KCNQ1OT1: variants seen among roughly 807,000 people sequenced by gnomAD.
KCNQ1OT1 encodes the protein KCNQ1 opposite strand/antisense transcript 1.
chr11:2,633,521 A>T (rs1281246930), exon 1 of KCNQ1OT1: 2 of 398,414 alleles, frequency 5.0e-6, no homozygotes, highest in African/African-American at 4.1e-5. Flanking sequence ...TTAAGTCTCT[A>T]ATCAATTTTG....
In KCNQ1OT1 at chr11:2,683,447, G is replaced by T; in HGVS notation, n.16548C>A. 1 of 398,554 alleles carries T rather than the reference G, an allele frequency of 2.5e-6. No homozygotes were observed. Among genetic ancestry groups the T allele is most frequent in the South Asian group, 1.3e-4 (1 of 7,848 alleles). 24.7% of individuals were successfully genotyped at this position (398,554 alleles called of 1,614,324 possible). On this transcript the variant is annotated non_coding_transcript_exon_variant, in exon 1 of 1. Coordinates refer to ENST00000597346, the Ensembl canonical transcript of KCNQ1OT1. This position sits in a 1 kb window ranked among gnomAD's most constrained non-coding sequence, Gnocchi z 4.7. ...GGAATGGGTAACTGGAAAAATGTAG[G>T]AATTACATATGATTCCATCAATGAC...
chr11:2,667,485 A>C, exon 1 of KCNQ1OT1: 1 of 398,420 alleles, frequency 2.5e-6, no homozygotes, highest in African/African-American at 2.1e-5. Flanking sequence ...TGTGACAGAG[A>C]GAACATTCAC....
At chr11:2,619,355 A>G in exon 1 of KCNQ1OT1, 1 of 398,492 alleles carries the variant, frequency 2.5e-6, no homozygotes. Context: ...TTCCTTCTAT[A>G]CCTGAACTGT....
At chr11:2,640,293 C>A (rs550380027) in exon 1 of KCNQ1OT1, 9 of 397,982 alleles carry the variant, frequency 2.3e-5, no homozygotes, top group East Asian at 2.1e-4. Context: ...CCATCTTCTG[C>A]GTCACTCACG....
exon 1 of KCNQ1OT1, chr11:2,614,423 T>A (rs1219530604): frequency 5.0e-6 from 2 of 398,454 alleles, no homozygotes; most frequent in Non-Finnish European, 4.4e-6. Flanking sequence ...TTTACAATAT[T>A]GTGTTTTTTG....
chr11:2,645,912 C>A lies in KCNQ1OT1; in HGVS notation n.54083G>T. 2.5e-6 allele frequency: 1 copy of A among 398,574 alleles called. No homozygotes were observed. Among genetic ancestry groups the A allele is most frequent in the Non-Finnish European group, 4.4e-6 (1 of 226,082 alleles). The allele number at this position is 398,574 out of a possible 1,614,324, so 24.7% of individuals were successfully genotyped here. On this transcript the variant is annotated non_coding_transcript_exon_variant, in exon 1 of 1. Transcript: ENST00000597346. This position sits in a 1 kb window ranked among gnomAD's most constrained non-coding sequence, Gnocchi z 5.8. ...CTGGGAGCTGTTCATTGCCATTTCA[C>A]AGTCTGTAGGTAGCCTCTTGTTAGT...
Position 2,651,507 on chromosome 11 carries a change from G to A in KCNQ1OT1, n.48488C>T, listed in dbSNP as rs547186909. ...TGCATTAAGAAGCTGTCAGTGTGAA[G>A]AACGTGAATGCTAAGGGCATATGAG... On this transcript the variant is annotated non_coding_transcript_exon_variant, in exon 1 of 1. Transcript: ENST00000597346. This position sits in a 1 kb window ranked among gnomAD's most constrained non-coding sequence, Gnocchi z 6.1. 1.8e-5 allele frequency: 7 copies of A among 398,682 alleles called. No individual in the cohort carries two copies. In the South Asian group the frequency reaches 3.8e-4, roughly 22 times the overall value. The allele number at this position is 398,682 out of a possible 1,614,324, so 24.7% of individuals were successfully genotyped here. A position where few individuals can be genotyped will look rare whatever the true frequency, so the allele number is the denominator to read the frequency against.
Position 2,661,687 on chromosome 11 carries a change from C to G in KCNQ1OT1, n.38308G>C. On this transcript the variant is annotated non_coding_transcript_exon_variant, in exon 1 of 1. Coordinates refer to ENST00000597346, the Ensembl canonical transcript of KCNQ1OT1. The surrounding 1 kb of genome is among the most constrained non-coding windows in gnomAD (Gnocchi z 5.9). ...GCCCAGAACCTGAGGTGGGGAGAGTCTTGGACACCTGAGCACAGCCCCAGG... is the reference window on the plus strand; with the variant it reads ...GCCCAGAACCTGAGGTGGGGAGAGTGTTGGACACCTGAGCACAGCCCCAGG... 1 of 602,060 alleles carries G rather than the reference C, an allele frequency of 1.7e-6. No individual in the cohort carries two copies. Among genetic ancestry groups the G allele is most frequent in the East Asian group, 2.7e-5 (1 of 36,416 alleles). 37.3% of individuals were successfully genotyped at this position (602,060 alleles called of 1,614,324 possible).
chr11:2,623,942 A>C lies in KCNQ1OT1; in HGVS notation n.76053T>G. ...AATTCCATTTTTAATTCTTTGAAGA[A>C]CCACCAAACTCTTCTCCACCAGGGC... On this transcript the variant is annotated non_coding_transcript_exon_variant, in exon 1 of 1. Transcript: ENST00000597346. This position sits in a 1 kb window ranked among gnomAD's most constrained non-coding sequence, Gnocchi z 5.2. 1 of 398,658 alleles carries C rather than the reference A, an allele frequency of 2.5e-6. No homozygotes were observed. Among genetic ancestry groups the C allele is most frequent in the East Asian group, 3.6e-5 (1 of 28,072 alleles). The allele number at this position is 398,658 out of a possible 1,614,324, so 24.7% of individuals were successfully genotyped here.
chr11:2,632,892 A>G (rs558470427), exon 1 of KCNQ1OT1: 1 of 398,490 alleles, frequency 2.5e-6, no homozygotes, highest in Non-Finnish European at 4.4e-6. Flanking sequence ...GAATGCAAAT[A>G]TCTTTTTTAT....
Position 2,651,304 on chromosome 11 carries a change from G to A in KCNQ1OT1, n.48691C>T. On this transcript the variant is annotated non_coding_transcript_exon_variant, in exon 1 of 1. Coordinates refer to ENST00000597346, the Ensembl canonical transcript of KCNQ1OT1. This position sits in a 1 kb window ranked among gnomAD's most constrained non-coding sequence, Gnocchi z 6.1. Reference sequence around the variant, plus strand: ...GAGCTTCATGGTGGGCAGCTGGGAAGCTGCACAGAACACTCCTCAGAGTTC... The same window carrying A: ...GAGCTTCATGGTGGGCAGCTGGGAAACTGCACAGAACACTCCTCAGAGTTC... 1 of 398,702 alleles carries A rather than the reference G, an allele frequency of 2.5e-6. No individual in the cohort carries two copies. Among genetic ancestry groups the A allele is most frequent in the East Asian group, 3.6e-5 (1 of 28,078 alleles). 24.7% of individuals were successfully genotyped at this position (398,702 alleles called of 1,614,324 possible).
exon 1 of KCNQ1OT1, chr11:2,618,388 C>G (rs1442818491): frequency 2.0e-5 from 8 of 398,400 alleles, no homozygotes; most frequent in Non-Finnish European, 3.1e-5. Context: ...CCTGGGCTTA[C>G]ATGTGGTCTG....
exon 1 of KCNQ1OT1, chr11:2,629,550 G>A: frequency 2.5e-6 from 1 of 398,388 alleles, no homozygotes; most frequent in Non-Finnish European, 4.4e-6. Flanking sequence ...CTCACGTGAG[G>A]ATATCCAGTT....
At chr11:2,622,659 A>T (rs1407449566) in exon 1 of KCNQ1OT1, 2 of 398,370 alleles carry the variant, frequency 5.0e-6, no homozygotes, top group Non-Finnish European at 8.8e-6. Context: ...TGATTTTCTG[A>T]TAGTGTACCA....
chr11:2,611,471 C>G lies in KCNQ1OT1; in HGVS notation n.88524G>C. The G allele has an allele frequency of 2.5e-6, 1 of 398,062 alleles. No individual in the cohort carries two copies. The highest frequency in any genetic ancestry group is 1.4e-4 in the South Asian group (1 of 7,320). The allele number at this position is 398,062 out of a possible 1,614,324, so 24.7% of individuals were successfully genotyped here. On this transcript the variant is annotated non_coding_transcript_exon_variant, in exon 1 of 1. Transcript: ENST00000597346. The surrounding 1 kb of genome is among the most constrained non-coding windows in gnomAD (Gnocchi z 5.3). ...GAGTGATCTGTCTGCCTCAGCCTCC[C>G]AAAATGCTGGGATTACAGGTGTGAG...
chr11:2,646,223 C>A (rs941400160), exon 1 of KCNQ1OT1: 2 of 398,602 alleles, frequency 5.0e-6, no homozygotes, highest in Non-Finnish European at 8.8e-6. Context: ...GTGCCAGATG[C>A]CTCTAGTCAG....
rs754473218 is a variant in KCNQ1OT1, at chr11:2,668,249, T to C, written n.31746A>G. 2.5e-6 allele frequency: 1 copy of C among 398,648 alleles called. No homozygotes were observed. The highest frequency in any genetic ancestry group is 4.4e-6 in the Non-Finnish European group (1 of 226,098). 24.7% of individuals were successfully genotyped at this position (398,648 alleles called of 1,614,324 possible). A position where few individuals can be genotyped will look rare whatever the true frequency, so the allele number is the denominator to read the frequency against. ...TGTGGCCAGCAGGCAGTTTCTGGTG[T>C]AGGTTGCTGTTTAAGAATATTCTGT... On this transcript the variant is annotated non_coding_transcript_exon_variant, in exon 1 of 1. Coordinates refer to ENST00000597346, the Ensembl canonical transcript of KCNQ1OT1. This position sits in a 1 kb window ranked among gnomAD's most constrained non-coding sequence, Gnocchi z 4.3.
At position 2,670,826 on chromosome 11, in the gene KCNQ1OT1, T is replaced by C. The variant is rs2133868098; in HGVS notation, n.29169A>G. On this transcript the variant is annotated non_coding_transcript_exon_variant, in exon 1 of 1. Transcript: ENST00000597346. The surrounding 1 kb of genome is among the most constrained non-coding windows in gnomAD (Gnocchi z 4.9). ...GCCTCTATGTGCATCATAAACCTGG[T>C]GCCACCAGCCAAGGAGGTCAAAGGT... 1 of 398,552 alleles carries C rather than the reference T, an allele frequency of 2.5e-6. No individual in the cohort carries two copies. Among genetic ancestry groups the C allele is most frequent in the Non-Finnish European group, 4.4e-6 (1 of 226,058 alleles). 24.7% of individuals were successfully genotyped at this position (398,552 alleles called of 1,614,324 possible).
chr11:2,617,492 G>A lies in KCNQ1OT1; in HGVS notation n.82503C>T, dbSNP rs768338659. 7.5e-6 allele frequency: 3 copies of A among 398,188 alleles called. No individual in the cohort carries two copies. The highest frequency in any genetic ancestry group is 7.1e-5 in the East Asian group (2 of 28,072). The allele number at this position is 398,188 out of a possible 1,614,324, so 24.7% of individuals were successfully genotyped here. A position where few individuals can be genotyped will look rare whatever the true frequency, so the allele number is the denominator to read the frequency against. On this transcript the variant is annotated non_coding_transcript_exon_variant, in exon 1 of 1. Coordinates refer to ENST00000597346, the Ensembl canonical transcript of KCNQ1OT1. The surrounding 1 kb of genome is among the most constrained non-coding windows in gnomAD (Gnocchi z 4.6). ...CAATGGACACGTAAGTTTTCATATC[G>A]TGACTCATGCATATAATGCCACAAT...
Sources: allele counts gnomAD v4.1 joint callset, GRCh38; gene constraint gnomAD v4.1.1; non-coding constraint Gnocchi (gnomAD v3.1); transcripts MANE v1.5; gene names NCBI Gene and HGNC (gene_info 2026-07-23, HGNC 2026-07-21).